SLCO1B3: variants seen among roughly 807,000 people sequenced by gnomAD.
The protein encoded by SLCO1B3 is liver-specific organic anion transporter 2.
Under a neutral mutation model 71.8 loss-of-function variants are expected in SLCO1B3, and 72 were observed. That is an observed-to-expected ratio of 1.00 (90% CI 0.83 to 1.22). SLCO1B3 has a LOEUF of 1.22. Among genes scored for constraint, SLCO1B3 ranks in the 50% most tolerant of loss-of-function variants. SLCO1B3 has a pLI of 0.00. For synonymous variants in SLCO1B3, 298 were observed against 278.4 expected (o/e 1.07, Z -0.70); for missense variants, 911 against 819.7 (o/e 1.11, Z -1.36).
chr12:20,849,999 A>G (rs1864992607), intron 3 of SLCO1B3, among the ~76,000 whole-genome samples: 1 of 148,532 alleles, frequency 6.7e-6, no homozygotes, highest in South Asian at 2.1e-4. Context: ...TTCTCTGCAG[A>G]TTTACCGCAC....
chr12:20,854,991 A>G (rs1242825023), intron 3 of SLCO1B3, 37 bp from the exon 4 acceptor site: 1 of 1,589,460 alleles, frequency 6.3e-7, no homozygotes, highest in East Asian at 2.2e-5. Context: ...TAGTTCTTTG[A>G]TTAACCAATT....
intron 13 of SLCO1B3, among the ~76,000 whole-genome samples, chr12:20,890,071 C>T (rs1865873727): frequency 6.6e-6 from 1 of 152,018 alleles, no homozygotes; most frequent in East Asian, 1.9e-4. Context: ...ACCTGTGCCA[C>T]CACACCCAGC....
At position 20,873,785 on chromosome 12, in the gene SLCO1B3, A is replaced by C. The variant is rs192619413; in HGVS notation, c.728-1450A>C. 2.0e-4 allele frequency among the ~76,000 whole-genome samples: 30 copies of C among 152,080 alleles called. No individual in the cohort carries two copies. The East Asian group carries it at 3.9e-3, about 20-fold the overall frequency. On this transcript the variant is annotated intron_variant, in intron 8 of 15. Transcript: ENST00000381545. The stretch of plus-strand genomic sequence containing the variant: ...TCCTTCTGCCCCCATGACAGGCCCC[A>C]GTGTGTATTGTTCCCCTCTTTGTGT...
intron 13 of SLCO1B3, among the ~76,000 whole-genome samples, chr12:20,885,720 T>C (rs1865781708): frequency 6.6e-6 from 1 of 151,858 alleles, no homozygotes; most frequent in Non-Finnish European, 1.5e-5. Flanking sequence ...ACTTGATACA[T>C]ACAAGGTTAG....
chr12:20,875,231 C>G lies in SLCO1B3; in HGVS notation c.728-4C>G, dbSNP rs759435706. On this transcript the variant is annotated splice_polypyrimidine_tract_variant and splice_region_variant and intron_variant, in intron 8 of 15. Transcript: ENST00000381545. ...GACTGGCTTCTTTTAACTGTTTCTC[C>G]TAGGCACTATCAGAATAACTCCTAA... 2.5e-6 allele frequency: 4 copies of G among 1,612,170 alleles called. No individual in the cohort carries two copies. The highest frequency in any genetic ancestry group is 3.4e-6 in the Non-Finnish European group (4 of 1,179,526).
chr12:20,814,413 G>A (rs186604713), intron 2 of SLCO1B3, among the ~76,000 whole-genome samples: 1 of 152,038 alleles, frequency 6.6e-6, no homozygotes, highest in South Asian at 2.1e-4. Context: ...TTAGATATAA[G>A]CTAAATAGTT....
intron 3 of SLCO1B3, among the ~76,000 whole-genome samples, chr12:20,837,017 G>GT (rs34642208): frequency 1.3e-5 from 2 of 152,242 alleles, no homozygotes; most frequent in Middle Eastern, 3.4e-3. Flanking sequence ...CAGATCATCA[G>GT]TTTTTTCTTG....
chr12:20,862,881 T>C, intron 8 of SLCO1B3, 27 bp downstream of exon 8: 1 of 1,276,020 alleles, frequency 7.8e-7, no homozygotes, highest in Non-Finnish European at 1.1e-6. Context: ...CAAGGTACCA[T>C]GATAGTGTCT....
intron 5 of SLCO1B3, 25 bp from the exon 6 acceptor site, chr12:20,860,992 G>A: frequency 6.5e-7 from 1 of 1,541,210 alleles, no homozygotes; most frequent in Non-Finnish European, 8.8e-7. Context: ...TAAGCAAAAT[G>A]TTCAATTTCA....
chr12:20,914,388 C>T (rs187832574), intron 15 of SLCO1B3, among the ~76,000 whole-genome samples: 5 of 152,012 alleles, frequency 3.3e-5, no homozygotes, highest in African/African-American at 9.6e-5. Flanking sequence ...ATTATGAGTA[C>T]CCTTATAATA....
intron 14 of SLCO1B3, among the ~76,000 whole-genome samples, chr12:20,899,869 C>G (rs1420459220): frequency 6.6e-6 from 1 of 152,060 alleles, no homozygotes; most frequent in Non-Finnish European, 1.5e-5. Context: ...CACAATGGAC[C>G]CTAAATGCTT....
At chr12:20,833,497 CAT>C (rs1308446766) in intron 3 of SLCO1B3, among the ~76,000 whole-genome samples, 2 of 148,158 alleles carry the variant, frequency 1.3e-5, no homozygotes, top group East Asian at 2.0e-4. Context: ...CAGATATATA[CAT>C]ATGTTTACTA....
At chr12:20,863,397 A>G (rs567860517) in intron 8 of SLCO1B3, among the ~76,000 whole-genome samples, 1 of 152,310 alleles carries the variant, frequency 6.6e-6, no homozygotes, top group East Asian at 1.9e-4. Flanking sequence ...AATAAAATTT[A>G]CGACTTTTGT....
intron 3 of SLCO1B3, among the ~76,000 whole-genome samples, chr12:20,852,544 G>A (rs539975765): frequency 6.6e-6 from 1 of 152,222 alleles, no homozygotes; most frequent in African/African-American, 2.4e-5. Flanking sequence ...GGATAGTATG[G>A]ATGTTTTAAC....
chr12:20,844,920 C>T (rs886649834), intron 3 of SLCO1B3: 9 of 194,636 alleles, frequency 4.6e-5, no homozygotes, highest in Non-Finnish European at 8.4e-5. Flanking sequence ...ATCTCAGCTA[C>T]TCGGGAGGCT....
chr12:20,890,084 A>G (rs575882779), intron 13 of SLCO1B3, among the ~76,000 whole-genome samples: 1 of 151,082 alleles, frequency 6.6e-6, no homozygotes, highest in South Asian at 2.1e-4. Flanking sequence ...CACCCAGCTA[A>G]TTTTTTTTAT....
intron 3 of SLCO1B3, among the ~76,000 whole-genome samples, chr12:20,833,599 A>G (rs1427494712): frequency 6.7e-6 from 1 of 148,564 alleles, no homozygotes; most frequent in Non-Finnish European, 1.5e-5. Context: ...TTGCATATAT[A>G]CACTATATAT....
intron 3 of SLCO1B3, among the ~76,000 whole-genome samples, chr12:20,837,769 G>A (rs1864714061): frequency 6.6e-6 from 1 of 152,136 alleles, no homozygotes; most frequent in Non-Finnish European, 1.5e-5. Flanking sequence ...GTGAGCTTAA[G>A]AATGTCTATT....
chr12:20,840,159 C>A (rs911843247), intron 3 of SLCO1B3, among the ~76,000 whole-genome samples: 1 of 152,050 alleles, frequency 6.6e-6, no homozygotes, highest in Non-Finnish European at 1.5e-5. Flanking sequence ...GAGTTTGGTC[C>A]TGATTCTTGC....
Sources: gnomAD v4.1 joint callset for allele counts (sites outside exome capture counted in the v4.1 genomes callset) on GRCh38, gnomAD v4.1.1 for gene constraint, MANE v1.5 for transcripts, NCBI Gene and HGNC (gene_info 2026-07-23, HGNC 2026-07-21) for gene names.